Variants in DAB1 observed in about 807,000 individuals in gnomAD.
The protein encoded by DAB1 is disabled homolog 1.
DAB1 carries 15 observed loss-of-function variants against 64.6 expected under a neutral mutation model. The ratio of observed to expected loss-of-function variants is 0.23; its 90% CI spans 0.16 to 0.36. The LOEUF is 0.36. Among genes scored for constraint, DAB1 ranks in the 10% least tolerant of loss-of-function variants. DAB1 has a pLI of 1.00. For missense variants in DAB1, 596 were observed against 706.7 expected, an observed-to-expected ratio of 0.84 and a Z score of 1.78; for synonymous variants, 235 against 251.9, an observed-to-expected ratio of 0.93 and a Z score of 0.64.
chr1:57,731,309 G>A (rs1647402482), intron 6 of DAB1, among the ~76,000 whole-genome samples: 2 of 152,150 alleles, frequency 1.3e-5, no homozygotes, highest in Admixed American at 1.3e-4. Context: ...GTGGTTTCCA[G>A]GGGACAGGGC....
intron 9 of DAB1, among the ~76,000 whole-genome samples, chr1:57,050,591 C>T (rs979696331): frequency 2.0e-5 from 3 of 152,168 alleles, no homozygotes; most frequent in African/African-American, 7.2e-5. Context: ...AGACAAACTC[C>T]CCTCATCTTT....
chr1:57,896,584 C>T (rs140658296), intron 5 of DAB1, among the ~76,000 whole-genome samples: 36 of 152,186 alleles, frequency 2.4e-4, no homozygotes, highest in Admixed American at 6.5e-5. Context: ...TGACCAAACC[C>T]CAGCTTCACC....
intron 9 of DAB1, among the ~76,000 whole-genome samples, chr1:57,058,924 A>G (rs12043848): frequency 0.18 from 27,906 of 152,214 alleles, 3,196 homozygotes; most frequent in East Asian, 0.48. Context: ...TCAAAGTCCA[A>G]TGGTTCACAT....
chr1:58,343,546 TG>T (rs1643964144), intron 3 of DAB1: 1 of 152,088 alleles, frequency 6.6e-6, no homozygotes, highest in Non-Finnish European at 1.5e-5. Flanking sequence ...CACAAATAGA[TG>T]GAAGAGTCAA....
chr1:57,256,878 G>A (rs1253119536), intron 2 of DAB1, among the ~76,000 whole-genome samples: 1 of 152,218 alleles, frequency 6.6e-6, no homozygotes, highest in Non-Finnish European at 1.5e-5. Context: ...GCAGCCTCCA[G>A]TAAGCCCTGG....
chr1:57,640,310 T>C (rs1464662594), intron 7 of DAB1, among the ~76,000 whole-genome samples: 1 of 152,222 alleles, frequency 6.6e-6, no homozygotes, highest in African/African-American at 2.4e-5. Context: ...AGTGAGGTGG[T>C]GCACTCCTAT....
chr1:58,092,455 G>A (rs1341829402), intron 5 of DAB1, among the ~76,000 whole-genome samples: 3 of 152,086 alleles, frequency 2.0e-5, no homozygotes, highest in African/African-American at 7.2e-5. Context: ...TTCCTGGGCT[G>A]GTTTCTTCCC....
At chr1:57,050,234 A>T (rs190909901) in intron 9 of DAB1, among the ~76,000 whole-genome samples, 1 of 152,254 alleles carries the variant, frequency 6.6e-6, no homozygotes, top group East Asian at 1.9e-4. Flanking sequence ...GAATGGATAC[A>T]CTTAGATGAT....
At chr1:58,458,687 C>T (rs1263590018) in intron 3 of DAB1, among the ~76,000 whole-genome samples, 1 of 152,058 alleles carries the variant, frequency 6.6e-6, no homozygotes, top group Admixed American at 6.6e-5. Context: ...GCCTGTTATC[C>T]CAGCTACTTG....
intron 7 of DAB1, among the ~76,000 whole-genome samples, chr1:57,614,268 AAC>A (rs2101606419): frequency 6.6e-6 from 1 of 152,366 alleles, no homozygotes; most frequent in South Asian, 2.1e-4. Flanking sequence ...GTTAAAAACA[AAC>A]AAACAAACCC....
At chr1:58,042,134 A>G (rs909864957) in intron 5 of DAB1, among the ~76,000 whole-genome samples, 4 of 152,208 alleles carry the variant, frequency 2.6e-5, no homozygotes, top group Non-Finnish European at 5.9e-5. Context: ...GAAATGAATA[A>G]AAGCACATAG....
intron 3 of DAB1, among the ~76,000 whole-genome samples, chr1:58,366,014 A>C (rs1430749449): frequency 6.6e-6 from 1 of 152,100 alleles, no homozygotes; most frequent in African/African-American, 2.4e-5. Context: ...CCTGGCAAAA[A>C]CTACCAGTGA....
rs1246638936 is a variant in DAB1 at position 58,118,596 on chromosome 1, C to CATA, written n.387+31914_387+31915insTAT. On this transcript the variant is annotated intron_variant and non_coding_transcript_variant, in intron 5 of 20. Transcript: ENST00000485760. ...TATATATACATATATATATAAAATA[C>CATA]TATATATATATACATATATATATAT... Among the ~76,000 whole-genome samples the CATA allele has an allele frequency of 2.2e-3, 226 of 104,642 alleles. 3 individuals carry two copies. The highest frequency in any genetic ancestry group is 4.9e-3 in the African/African-American group (122 of 24,766). 68.6% of individuals were successfully genotyped at this position (104,642 alleles called of 152,430 possible).
At chr1:57,643,025 C>A (rs1331725259) in intron 7 of DAB1, among the ~76,000 whole-genome samples, 1 of 152,144 alleles carries the variant, frequency 6.6e-6, no homozygotes, top group African/African-American at 2.4e-5. Context: ...GGGGAACAGC[C>A]AGCTATTTCT....
intron 1 of DAB1, among the ~76,000 whole-genome samples, chr1:57,299,574 A>G (rs1352139269): frequency 1.3e-5 from 2 of 152,260 alleles, no homozygotes; most frequent in Admixed American, 6.5e-5. Flanking sequence ...CTATAGCACC[A>G]TGAAAATTCA....
At chr1:58,048,264 C>A in intron 5 of DAB1, 1 of 1,285,386 alleles carries the variant, frequency 7.8e-7, no homozygotes. Context: ...TATTGGCCTC[C>A]ACCGCCATAG....
rs187192166 is a variant in DAB1, at chr1:57,023,864, T to G, written c.787-225A>C. On this transcript the variant is annotated intron_variant, in intron 10 of 14. Transcript: ENST00000371236. Reference sequence around the variant, plus strand: ...AGTGAGATTATGTAATTAAATTATTTTACATTACTTAAATTTTTAGCACCG... The same window carrying G: ...AGTGAGATTATGTAATTAAATTATTGTACATTACTTAAATTTTTAGCACCG... 2.6e-5 allele frequency among the ~76,000 whole-genome samples: 4 copies of G among 152,302 alleles called. No homozygotes were observed. The East Asian group carries it at 7.7e-4, about 29-fold the overall frequency.
intron 2 of DAB1, among the ~76,000 whole-genome samples, chr1:57,245,526 GT>G (rs1668804040): frequency 6.6e-6 from 1 of 152,088 alleles, no homozygotes; most frequent in Non-Finnish European, 1.5e-5. Flanking sequence ...GTGAGAACTT[GT>G]GGTGTTTGGT....
intron 9 of DAB1, among the ~76,000 whole-genome samples, chr1:57,047,669 T>G (rs963555489): frequency 6.6e-6 from 1 of 152,200 alleles, no homozygotes; most frequent in African/African-American, 2.4e-5. Context: ...TTTCTGTTGT[T>G]TAAACCACCT....
Sources: allele counts gnomAD v4.1 joint callset (sites outside exome capture counted in the v4.1 genomes callset), GRCh38; gene constraint gnomAD v4.1.1; transcripts MANE v1.5; gene names NCBI Gene and HGNC (gene_info 2026-07-23, HGNC 2026-07-21).